Variants in PNP observed in about 807,000 individuals in gnomAD.
PNP encodes the protein purine nucleoside phosphorylase.
A neutral mutation model predicts 26.8 loss-of-function variants in PNP; 18 were observed. The observed-to-expected ratio is 0.67, with a 90% confidence interval of 0.46 to 1.00. PNP has a LOEUF of 1.00. Ranked by LOEUF, PNP falls within the 50% of genes least tolerant of loss-of-function variation. PNP has a pLI of 0.00. For missense variants in PNP, 320 were observed against 362.9 expected (o/e 0.88, Z 0.96); for synonymous variants, 116 against 124.8 (o/e 0.93, Z 0.47).
At position 20,474,533 on chromosome 14, in the gene PNP, G is replaced by T. The variant is rs771029199; in HGVS notation, c.243G>T (p.Met81Ile). The T allele has an allele frequency of 2.5e-6, 4 of 1,614,166 alleles. No homozygotes were observed. In the South Asian group the frequency reaches 4.4e-5, roughly 18 times the overall value. ...GFLNGRACVM[M>I]QGRFHMYEGY... ...TGAATGGCAGGGCCTGTGTGATGAT[G>T]CAGGGCAGGTTCCACATGTATGAAG... The change falls in exon 3 of 6, where the codon ATG becomes ATT. Residue 81 changes from methionine (M) to isoleucine (I), a missense_variant. By Grantham distance (10) the Met-to-Ile change is conservative. Transcript: ENST00000361505.
In PNP at chr14:20,475,211, C is replaced by T. The variant is rs1466345881; in HGVS notation, c.611C>T (p.Ala204Val). The change falls in exon 5 of 6, where the codon GCA becomes GTA. Residue 204 changes from alanine to valine, a missense_variant. Coordinates refer to ENST00000361505, the MANE Select transcript of PNP (RefSeq NM_000270.4). ...MVAGPSFETV[A>V]ECRVLQKLGA... ...GCAGGCCCCAGCTTTGAGACTGTGG[C>T]AGAATGTCGTGTGCTGCAGAAGCTG... The T allele has an allele frequency of 6.2e-7, 1 of 1,613,804 alleles. No individual in the cohort carries two copies. The highest frequency in any genetic ancestry group is 1.7e-5 in the Admixed American group (1 of 60,018).
rs1234251922 is a variant in PNP at position 20,472,449 on chromosome 14, T to C, written c.153T>C (p.Gly51=). The change falls in exon 2 of 6, where the codon GGT becomes GGC. Residue 51 remains glycine, a synonymous_variant. Coordinates refer to ENST00000361505, the MANE Select transcript of PNP (RefSeq NM_000270.4). The part of the protein sequence containing the change: ...KLTQAQIFDY[G]EIPNFPRSTV... ...CTCAGGCCCAGATCTTTGACTACGG[T>C]GAAATCCCCAACTTTCCCCGAAGTA... 9.9e-6 allele frequency: 16 copies of C among 1,613,924 alleles called. No homozygotes were observed. Among genetic ancestry groups the C allele is most frequent in the Non-Finnish European group, 1.4e-5 (16 of 1,179,932 alleles).
intron 3 of PNP, 96 bp downstream of exon 3, chr14:20,474,671 T>C: frequency 6.5e-7 from 1 of 1,549,432 alleles, no homozygotes; most frequent in Non-Finnish European, 8.9e-7. Flanking sequence ...AGGTGGATTT[T>C]TGGTCCTCTC....
At position 20,472,317 on chromosome 14, in the gene PNP, T is replaced by C; in HGVS notation, c.21T>C (p.Tyr7=). The C allele has an allele frequency of 1.2e-6, 2 of 1,613,678 alleles. No individual in the cohort carries two copies. The highest frequency in any genetic ancestry group is 8.5e-7 in the Non-Finnish European group (1 of 1,179,600). MENGYT[Y]EDYKNTAEWL... is the part of the protein sequence containing the mutation. ...ATTTTTTCTCCCCCAGATACACCTA[T>C]GAAGATTATAAGAACACTGCAGAAT... Residue 7 remains tyrosine (Y), a synonymous_variant, in exon 2 of 6, where the codon TAT becomes TAC. Coordinates refer to ENST00000361505, the MANE Select transcript of PNP (RefSeq NM_000270.4).
At chr14:20,469,611 CCAGAGGGAGCTGG>C (rs1290765894) in intron 1 of PNP, 76 bp downstream of exon 1, 2 of 1,535,860 alleles carry the variant, frequency 1.3e-6, no homozygotes, top group Non-Finnish European at 1.8e-6. Context: ...CACACTGGGC[CCAGAGGGAGCTGG>C]CGGAGGGAGC....
chr14:20,472,730 G>C (rs113687961), intron 2 of PNP: 13 of 547,932 alleles, frequency 2.4e-5, no homozygotes, highest in African/African-American at 1.3e-4. Context: ...AGGTGACAGG[G>C]GCCAAGTAAA....
Position 20,474,466 on chromosome 14 carries a change from A to T in PNP, c.182-6A>T, listed in dbSNP as rs749996583. The T allele has an allele frequency of 1.2e-6, 2 of 1,612,488 alleles. No individual in the cohort carries two copies. The highest frequency in any genetic ancestry group is 1.7e-6 in the Non-Finnish European group (2 of 1,178,480). On this transcript the variant is annotated splice_polypyrimidine_tract_variant and splice_region_variant and intron_variant, in intron 2 of 5. Coordinates refer to ENST00000361505, the MANE Select transcript of PNP (RefSeq NM_000270.4). ...CCATTCATTTCTCTTTCTGTTTTGT[A>T]TACAGTGCCAGGTCATGCTGGCCGA...
chr14:20,472,225 C>A, intron 1 of PNP, 83 bp from the exon 2 acceptor site: 1 of 1,200,684 alleles, frequency 8.3e-7, no homozygotes, highest in Non-Finnish European at 1.2e-6. Context: ...GTATACCTGC[C>A]AGCCTTTTTG....
Position 20,476,483 on chromosome 14 carries a change from G to A in PNP, c.752G>A (p.Ser251Asn), listed in dbSNP as rs1882116857. 3 of 1,614,154 alleles carry A rather than the reference G, an allele frequency of 1.9e-6. No homozygotes were observed. The highest frequency in any genetic ancestry group is 1.7e-6 in the Non-Finnish European group (2 of 1,180,020). ...AACAAGGTCATCATGGATTATGAAA[G>A]CCTGGAGAAGGCCAACCATGAAGAA... ...ITNKVIMDYESLEKANHEEVL... is the reference protein window; with the variant it reads ...ITNKVIMDYENLEKANHEEVL... Residue 251 changes from serine (S) to asparagine (N), a missense_variant, in exon 6 of 6, where the codon AGC becomes AAC. By Grantham distance (46) the Ser-to-Asn change is conservative. Coordinates refer to ENST00000361505, the MANE Select transcript of PNP (RefSeq NM_000270.4).
At position 20,472,469 on chromosome 14, in the gene PNP, G is replaced by A. The variant is rs199763463; in HGVS notation, c.173G>A (p.Arg58Gln). 144 of 1,613,702 alleles carry A rather than the reference G, an allele frequency of 8.9e-5. No homozygotes were observed. The highest frequency in any genetic ancestry group is 4.2e-4 in the East Asian group (19 of 44,894). Reference sequence around the variant, plus strand: ...TACGGTGAAATCCCCAACTTTCCCCGAAGTACAGGTACTGGCAAGGGAAAG... The same window carrying A: ...TACGGTGAAATCCCCAACTTTCCCCAAAGTACAGGTACTGGCAAGGGAAAG... ...FDYGEIPNFP[R>Q]STVPGHAGRL... The change falls in exon 2 of 6, where the codon CGA becomes CAA. Residue 58 changes from arginine (R) to glutamine (Q), a missense_variant. Arg to Gln is a conservative substitution (Grantham distance 43, BLOSUM62 1). Coordinates refer to ENST00000361505, the MANE Select transcript of PNP (RefSeq NM_000270.4).
Position 20,475,345 on chromosome 14 carries a change from TGA to T in PNP, c.652+97_652+98del, listed in dbSNP as rs1882080855. The T allele has an allele frequency of 5.8e-6, 6 of 1,037,062 alleles. No homozygotes were observed. In the Admixed American group the frequency reaches 1.5e-4, roughly 25 times the overall value. 64.2% of individuals were successfully genotyped at this position (1,037,062 alleles called of 1,614,324 possible). On this transcript the variant is annotated intron_variant, in intron 5 of 5. Coordinates refer to ENST00000361505, the MANE Select transcript of PNP (RefSeq NM_000270.4). ...TAGGAAATAACAGGCCTCATTGGAC[TGA>T]GAGGATCTGATTTCAGGGAAGGGTG... is the stretch of plus-strand genomic sequence containing the variant.
At chr14:20,475,397 A>C in intron 5 of PNP, 145 bp downstream of exon 5, 1 of 735,668 alleles carries the variant, frequency 1.4e-6, no homozygotes. Flanking sequence ...ATTGAAATAC[A>C]AACTGGTGAG....
chr14:20,469,993 G>A (rs1300749719), intron 1 of PNP, among the ~76,000 whole-genome samples: 3 of 152,174 alleles, frequency 2.0e-5, no homozygotes, highest in Non-Finnish European at 4.4e-5. Context: ...TCCTTTAGAG[G>A]CAAGATTACT....
intron 5 of PNP, 88 bp downstream of exon 5, chr14:20,475,340 T>G: frequency 9.0e-7 from 1 of 1,108,654 alleles, no homozygotes; most frequent in Non-Finnish European, 1.3e-6. Context: ...CAGGCCTCAT[T>G]GGACTGAGAG....
intron 2 of PNP, chr14:20,472,920 T>C (rs1882018094): frequency 4.5e-6 from 1 of 221,054 alleles, no homozygotes; most frequent in Admixed American, 5.3e-5. Context: ...AACACAAGAC[T>C]GGAAGAGCAG....
intron 1 of PNP, 185 bp downstream of exon 1, chr14:20,469,720 A>G (rs1350903483): frequency 1.3e-6 from 1 of 797,844 alleles, no homozygotes; most frequent in Non-Finnish European, 2.1e-6. Flanking sequence ...CAGCGCGGGC[A>G]GGGACGCACG....
In PNP at chr14:20,476,616, G is replaced by C; in HGVS notation, c.*15G>C. The C allele has an allele frequency of 6.2e-7, 1 of 1,607,682 alleles. No homozygotes were observed. Among genetic ancestry groups the C allele is most frequent in the Non-Finnish European group, 8.5e-7 (1 of 1,174,248 alleles). ...AAGCCAGTTGACCTGCCTTGGAGTC[G>C]TCTGGCATCTCCCACACAAGACCCA... is the stretch of plus-strand genomic sequence containing the variant. On this transcript the variant is annotated 3_prime_UTR_variant, in exon 6 of 6. Transcript: ENST00000361505.
chr14:20,475,368 G>C lies in PNP; in HGVS notation c.652+116G>C, dbSNP rs1213094830. 6 of 887,818 alleles carry C rather than the reference G, an allele frequency of 6.8e-6. No homozygotes were observed. The Admixed American group carries it at 8.3e-5, about 12-fold the overall frequency. 55.0% of individuals were successfully genotyped at this position (887,818 alleles called of 1,614,324 possible). A position where few individuals can be genotyped will look rare whatever the true frequency, so the allele number is the denominator to read the frequency against. On this transcript the variant is annotated intron_variant, in intron 5 of 5. Transcript: ENST00000361505. ...ACTGAGAGGATCTGATTTCAGGGAA[G>C]GGTGAATTAAACTGACTTATTGAAA...
chr14:20,476,253 T>G lies in PNP; in HGVS notation c.653-131T>G. Reference sequence around the variant, plus strand: ...TCCCAATGTACTGGGATTACAGGTGTGAACCACTGCACCCGGCCATCTTTG... The same window carrying G: ...TCCCAATGTACTGGGATTACAGGTGGGAACCACTGCACCCGGCCATCTTTG... On this transcript the variant is annotated intron_variant, in intron 5 of 5. Transcript: ENST00000361505. 2.3e-5 allele frequency: 18 copies of G among 787,100 alleles called. No homozygotes were observed. The South Asian group carries it at 2.6e-4, about 11-fold the overall frequency. 48.8% of individuals were successfully genotyped at this position (787,100 alleles called of 1,614,324 possible).
Sources: allele counts gnomAD v4.1 joint callset (sites outside exome capture counted in the v4.1 genomes callset), GRCh38; gene constraint gnomAD v4.1.1; transcripts MANE v1.5; gene names NCBI Gene and HGNC (gene_info 2026-07-23, HGNC 2026-07-21).